NR2F1-AS1: variants seen among roughly 807,000 people sequenced by gnomAD.
NR2F1-AS1 encodes NR2F1 antisense RNA 1.
At chr5:93,575,548 A>G (rs899410006) in intron 1 of NR2F1-AS1, among the ~76,000 whole-genome samples, 1 of 152,192 alleles carries the variant, frequency 6.6e-6, no homozygotes, top group Non-Finnish European at 1.5e-5. Context: ...CAAAAAGAAA[A>G]AATTGTGGGG....
chr5:93,429,814 G>A (rs1749272996), intron 4 of NR2F1-AS1, among the ~76,000 whole-genome samples: 1 of 152,126 alleles, frequency 6.6e-6, no homozygotes, highest in South Asian at 2.1e-4. Flanking sequence ...TGTTCCATTT[G>A]GAAGGATAAT....
chr5:93,474,278 C>A (rs1206396785), intron 4 of NR2F1-AS1, among the ~76,000 whole-genome samples: 1 of 152,142 alleles, frequency 6.6e-6, no homozygotes, highest in Non-Finnish European at 1.5e-5. Flanking sequence ...TATAGTAATT[C>A]TAATAACATG....
intron 4 of NR2F1-AS1, among the ~76,000 whole-genome samples, chr5:93,499,246 G>C (rs138496879): frequency 1.4e-4 from 22 of 152,254 alleles, no homozygotes; most frequent in Non-Finnish European, 2.9e-4. Context: ...GTGACACATG[G>C]GTGACAGAAG....
intron 4 of NR2F1-AS1, among the ~76,000 whole-genome samples, chr5:93,477,048 C>A (rs1280684265): frequency 6.6e-6 from 1 of 152,054 alleles, no homozygotes; most frequent in African/African-American, 2.4e-5. Context: ...GTTCTGTTTC[C>A]CAAGTGAAAC....
chr5:93,446,869 T>G (rs1749722853), intron 4 of NR2F1-AS1, among the ~76,000 whole-genome samples: 1 of 151,936 alleles, frequency 6.6e-6, no homozygotes, highest in Non-Finnish European at 1.5e-5. Flanking sequence ...AGACCAATGG[T>G]ACAGAACAGG....
At chr5:93,569,443 C>G (rs772683982) in intron 1 of NR2F1-AS1, among the ~76,000 whole-genome samples, 2 of 152,192 alleles carry the variant, frequency 1.3e-5, no homozygotes, top group South Asian at 4.1e-4. Flanking sequence ...ATCTCCCCAA[C>G]CTGGACACCT....
intron 4 of NR2F1-AS1, among the ~76,000 whole-genome samples, chr5:93,535,447 T>C (rs1751819644): frequency 6.6e-6 from 1 of 151,948 alleles, no homozygotes; most frequent in Admixed American, 6.5e-5. Flanking sequence ...ACAATCAGCA[T>C]ATACATGACA....
upstream of NR2F1-AS1, among the ~76,000 whole-genome samples, chr5:93,583,049 C>A (rs923915069): frequency 6.6e-6 from 1 of 152,136 alleles, no homozygotes; most frequent in African/African-American, 2.4e-5. Context: ...TTCTCTCCCC[C>A]CGATTCAGGG....
rs145694429 is a variant in NR2F1-AS1, at chr5:93,448,876, C to T, written n.639-53334G>A. The stretch of plus-strand genomic sequence containing the variant: ...CTCATCTCAGCCAGAAACTCCCTCA[C>T]TGAGACACCCAGAATTGAGTCTGAC... On this transcript the variant is annotated intron_variant and non_coding_transcript_variant, in intron 4 of 5. Coordinates refer to ENST00000660523, the Ensembl canonical transcript of NR2F1-AS1. Among the ~76,000 whole-genome samples, 251 of 152,314 alleles carry T rather than the reference C, an allele frequency of 1.6e-3. 1 individual carries two copies. The highest frequency in any genetic ancestry group is 5.7e-3 in the African/African-American group (238 of 41,576).
chr5:93,551,054 C>T lies in NR2F1-AS1; in HGVS notation n.638+2707G>A, dbSNP rs116783193. Among the ~76,000 whole-genome samples, 420 of 151,900 alleles carry T rather than the reference C, an allele frequency of 2.8e-3. 1 individual carries two copies. The highest frequency in any genetic ancestry group is 1.0e-2 in the African/African-American group (413 of 41,404). On this transcript the variant is annotated intron_variant and non_coding_transcript_variant, in intron 4 of 5. Transcript: ENST00000660523. ...TCTCAGCAGCACAAATTAAATCACACATATTTACTTAGAAGTTTTTGACTA... is the reference window on the plus strand; with the variant it reads ...TCTCAGCAGCACAAATTAAATCACATATATTTACTTAGAAGTTTTTGACTA...
At chr5:93,530,385 A>C (rs1380523620) in intron 4 of NR2F1-AS1, among the ~76,000 whole-genome samples, 1 of 152,128 alleles carries the variant, frequency 6.6e-6, no homozygotes, top group African/African-American at 2.4e-5. Flanking sequence ...TTATATATTC[A>C]TTCTAGCCAT....
chr5:93,570,852 C>T (rs1406232971), intron 1 of NR2F1-AS1: 2 of 152,358 alleles, frequency 1.3e-5, no homozygotes, highest in East Asian at 3.9e-4. Flanking sequence ...GGCCTAGCTT[C>T]CGGGATCCGC....
At chr5:93,489,416 T>C (rs911060338) in intron 4 of NR2F1-AS1, among the ~76,000 whole-genome samples, 9 of 148,174 alleles carry the variant, frequency 6.1e-5, no homozygotes, top group Non-Finnish European at 1.3e-4. Flanking sequence ...TTAATTAAGG[T>C]ATATATATAT....
At chr5:93,431,860 A>C (rs547386308) in intron 4 of NR2F1-AS1, among the ~76,000 whole-genome samples, 1 of 152,290 alleles carries the variant, frequency 6.6e-6, no homozygotes, top group Non-Finnish European at 1.5e-5. Flanking sequence ...AGTTTGATTA[A>C]TATGTTTTAT....
chr5:93,558,667 T>C (rs1752418474), intron 2 of NR2F1-AS1, among the ~76,000 whole-genome samples: 1 of 152,218 alleles, frequency 6.6e-6, no homozygotes. Context: ...TTGAAATTAC[T>C]CCTTGATCTA....
chr5:93,470,741 C>T (rs1317934477), intron 4 of NR2F1-AS1, among the ~76,000 whole-genome samples: 1 of 151,764 alleles, frequency 6.6e-6, no homozygotes, highest in Non-Finnish European at 1.5e-5. Flanking sequence ...CAGACATTTG[C>T]ATGGAACATT....
intron 4 of NR2F1-AS1, among the ~76,000 whole-genome samples, chr5:93,551,634 C>A (rs947142875): frequency 6.6e-6 from 1 of 151,894 alleles, no homozygotes; most frequent in Non-Finnish European, 1.5e-5. Flanking sequence ...AACAAATGGG[C>A]TCCTCCTTTG....
intron 4 of NR2F1-AS1, among the ~76,000 whole-genome samples, chr5:93,419,555 G>T (rs1465185094): frequency 2.6e-5 from 4 of 151,722 alleles, no homozygotes; most frequent in African/African-American, 9.7e-5. Flanking sequence ...AGGCAATACA[G>T]AAAGACTCTA....
intron 4 of NR2F1-AS1, among the ~76,000 whole-genome samples, chr5:93,447,125 T>C (rs1047723336): frequency 9.9e-5 from 15 of 152,224 alleles, no homozygotes; most frequent in Admixed American, 4.6e-4. Flanking sequence ...GGCAATACCA[T>C]TCAGGACATA....
Sources: allele counts gnomAD v4.1 joint callset (sites outside exome capture counted in the v4.1 genomes callset), GRCh38; gene constraint gnomAD v4.1.1; transcripts MANE v1.5; gene names NCBI Gene and HGNC (gene_info 2026-07-23, HGNC 2026-07-21).